Variants in UNC79 observed in about 807,000 individuals in gnomAD.
UNC79 encodes the protein protein unc-79 homolog.
In UNC79, 37 loss-of-function variants were observed where a neutral mutation model predicts 283.1. That is an observed-to-expected ratio of 0.13 (90% CI 0.10 to 0.17). The LOEUF (loss-of-function observed/expected upper bound fraction) is 0.17. Ranked by LOEUF, UNC79 falls within the 10% of genes least tolerant of loss-of-function variation. The pLI, the probability that UNC79 is intolerant of heterozygous loss-of-function variation, is 1.00. For missense variants in UNC79, 2,272 were observed against 3,211.1 expected (o/e 0.71, Z 7.07); for synonymous variants, 1,107 against 1,200.2 (o/e 0.92, Z 1.61).
chr14:93,682,737 T>C (rs2073943332), intron 42 of UNC79, 43 bp downstream of exon 45: 2 of 1,571,280 alleles, frequency 1.3e-6, no homozygotes, highest in East Asian at 4.5e-5. Flanking sequence ...TTACATTTCA[T>C]AGAATAGTAG....
chr14:93,547,352 A>G (rs1346985050), intron 14 of UNC79, among the ~76,000 whole-genome samples: 1 of 152,224 alleles, frequency 6.6e-6, no homozygotes. Flanking sequence ...AGTTTAATGT[A>G]TCTTTTTATA....
chr14:93,447,770 A>G (rs550875779), intron 1 of UNC79, among the ~76,000 whole-genome samples: 131 of 151,964 alleles, frequency 8.6e-4, no homozygotes, highest in African/African-American at 2.8e-3. Context: ...TTTTGCTTCG[A>G]CAGTTTTTTT....
At chr14:93,641,047 A>G in intron 32 of UNC79, 98 bp from the exon 36 acceptor site, 1 of 922,490 alleles carries the variant, frequency 1.1e-6, no homozygotes, top group South Asian at 1.9e-5. Flanking sequence ...ATTCCTGGGA[A>G]TGTGATCTTT....
At chr14:93,646,454 A>G (rs2069616862) in intron 34 of UNC79, among the ~76,000 whole-genome samples, 154 bp from the exon 38 acceptor site, 1 of 152,164 alleles carries the variant, frequency 6.6e-6, no homozygotes, top group Non-Finnish European at 1.5e-5. Flanking sequence ...GAGACTGACC[A>G]CTGAGTGGGC....
At chr14:93,683,033 T>A (rs1595055621) in intron 42 of UNC79, among the ~76,000 whole-genome samples, 3 of 152,340 alleles carry the variant, frequency 2.0e-5, no homozygotes, top group Admixed American at 2.0e-4. Context: ...ATTTTTCTAT[T>A]GTAACTAATA....
chr14:93,410,876 T>G (rs551165373), intron 1 of UNC79, among the ~76,000 whole-genome samples: 3 of 152,114 alleles, frequency 2.0e-5, no homozygotes, highest in African/African-American at 7.2e-5. Context: ...CTCAGCACAT[T>G]CTTAGCTGTG....
intron 14 of UNC79, among the ~76,000 whole-genome samples, chr14:93,546,309 G>T (rs955771686): frequency 6.6e-6 from 1 of 152,158 alleles, no homozygotes; most frequent in Non-Finnish European, 1.5e-5. Flanking sequence ...ATCTCCCAAA[G>T]CTAGTTTGGC....
intron 40 of UNC79, among the ~76,000 whole-genome samples, chr14:93,670,633 GT>G (rs1254082439): frequency 6.6e-6 from 1 of 152,138 alleles, no homozygotes; most frequent in Non-Finnish European, 1.5e-5. Context: ...TTTCTTTTGG[GT>G]TTTTATGGAG....
chr14:93,517,896 TGTGA>T (rs2060141130), intron 7 of UNC79, among the ~76,000 whole-genome samples: 2 of 114,794 alleles, frequency 1.7e-5, no homozygotes, highest in South Asian at 3.1e-4. Flanking sequence ...CATATGTATA[TGTGA>T]GTGTGTGTGT....
intron 7 of UNC79, among the ~76,000 whole-genome samples, chr14:93,522,754 G>T (rs1471891783): frequency 5.3e-5 from 8 of 152,014 alleles, no homozygotes; most frequent in Admixed American, 6.6e-5. Flanking sequence ...AGTGGTCTCT[G>T]GTCTGTATTT....
At chr14:93,403,521 AT>A in intron 1 of UNC79, among the ~76,000 whole-genome samples, 2 of 152,206 alleles carry the variant, frequency 1.3e-5, no homozygotes, top group South Asian at 4.1e-4. Context: ...CCTGAGATTT[AT>A]TTTCTTTTCA....
intron 1 of UNC79, among the ~76,000 whole-genome samples, chr14:93,452,375 A>ATTTTT (rs35284465): frequency 1.4e-4 from 15 of 108,866 alleles, no homozygotes; most frequent in African/African-American, 5.2e-4. Context: ...GGACTGCATG[A>ATTTTT]TTTTTTTTTT....
At chr14:93,473,302 A>G (rs1423481610) in intron 2 of UNC79, among the ~76,000 whole-genome samples, 1 of 152,148 alleles carries the variant, frequency 6.6e-6, no homozygotes, top group Non-Finnish European at 1.5e-5. Flanking sequence ...TTCATAAAAT[A>G]AAATGTTTCC....
chr14:93,402,261 A>G (rs2055123176), intron 1 of UNC79, among the ~76,000 whole-genome samples: 2 of 138,092 alleles, frequency 1.4e-5, no homozygotes. Flanking sequence ...TGAGTGACAG[A>G]GTGAGACTCT....
intron 23 of UNC79, among the ~76,000 whole-genome samples, chr14:93,594,543 TA>T (rs1467820316): frequency 6.6e-6 from 1 of 152,196 alleles, no homozygotes; most frequent in Non-Finnish European, 1.5e-5. Flanking sequence ...GTGTTGGGAT[TA>T]CAGGCATGAG....
chr14:93,675,996 A>G (rs2073311690), intron 41 of UNC79, among the ~76,000 whole-genome samples: 1 of 152,214 alleles, frequency 6.6e-6, no homozygotes, highest in East Asian at 1.9e-4. Context: ...TTCTGCTCAC[A>G]TAGCAGCAGC....
chr14:93,662,742 T>C, intron 40 of UNC79, 28 bp downstream of exon 43: 2 of 1,533,954 alleles, frequency 1.3e-6, no homozygotes, highest in Non-Finnish European at 1.8e-6. Context: ...TGTGTGTTCC[T>C]GTGAAACTGA....
chr14:93,516,458 G>GGGT (rs1555434257), intron 7 of UNC79, among the ~76,000 whole-genome samples: 1 of 116,524 alleles, frequency 8.6e-6, no homozygotes, highest in Non-Finnish European at 1.7e-5. Context: ...TTTGGGGGGG[G>GGGT]GGGTGGGGGA....
chr14:93,681,428 A>T (rs185538279), intron 41 of UNC79, among the ~76,000 whole-genome samples: 1 of 152,342 alleles, frequency 6.6e-6, no homozygotes. Flanking sequence ...AATAATGCTT[A>T]CATTTAAACC....
Sources: allele counts gnomAD v4.1 joint callset (sites outside exome capture counted in the v4.1 genomes callset), GRCh38; gene constraint gnomAD v4.1.1; transcripts MANE v1.5; gene names NCBI Gene and HGNC (gene_info 2026-07-23, HGNC 2026-07-21).